F12: variants seen among roughly 807,000 people sequenced by gnomAD.
The protein encoded by F12 is coagulation factor XII.
A neutral mutation model predicts 74.8 loss-of-function variants in F12; 70 were observed. That is an observed-to-expected ratio of 0.94 (90% CI 0.77 to 1.14). F12 has a LOEUF of 1.14. Among genes scored for constraint, F12 ranks in the 50% most tolerant of loss-of-function variants. The probability of loss-of-function intolerance (pLI) is 0.00; values close to 1 mark genes in which losing one functional copy is unlikely to be tolerated. For synonymous variants in F12, 373 were observed against 356.4 expected (o/e 1.05, Z -0.52); for missense variants, 811 against 835.7 (o/e 0.97, Z 0.36).
At chr5:177,403,678 G>C in intron 10 of F12, 61 bp from the exon 11 acceptor site, 1 of 1,575,522 alleles carries the variant, frequency 6.3e-7, no homozygotes, top group Admixed American at 1.7e-5. Context: ...TTCTGGGGAA[G>C]CCCCCTGCTC....
chr5:177,403,375 A>G lies in F12; in HGVS notation c.1410T>C (p.Asp470=). Residue 470 remains aspartate (D), a synonymous_variant, in exon 12 of 14, where the codon GAT becomes GAC. Transcript: ENST00000253496. ...HDLALLRLQE[D]ADGSCALLSP... is the part of the protein sequence containing the mutation. ...ACAGGAGCGCGCAGCTGCCGTCCGC[A>G]TCCTCCTGAAGGCGCAACAGAGCTA... 1 of 1,598,452 alleles carries G rather than the reference A, an allele frequency of 6.3e-7. No individual in the cohort carries two copies. The highest frequency in any genetic ancestry group is 1.1e-5 in the South Asian group (1 of 90,892).
intron 4 of F12, 128 bp from the exon 5 acceptor site, chr5:177,405,561 T>C (rs192433949): frequency 8.1e-7 from 1 of 1,230,592 alleles, no homozygotes; most frequent in Non-Finnish European, 1.2e-6. Flanking sequence ...TTTACCCACC[T>C]GCAAAATGGG....
At chr5:177,405,033 C>A in intron 6 of F12, 21 bp downstream of exon 6, 1 of 1,609,854 alleles carries the variant, frequency 6.2e-7, no homozygotes, top group Non-Finnish European at 8.5e-7. Context: ...CTCCCTGGCC[C>A]GTTCCCAACC....
intron 2 of F12, 24 bp from the exon 3 acceptor site, chr5:177,406,085 AG>A (rs964261644): frequency 7.5e-6 from 12 of 1,601,720 alleles, no homozygotes; most frequent in Admixed American, 1.7e-5. Flanking sequence ...ACACTCTCTG[AG>A]GACTTCCCCT....
intron 2 of F12, among the ~76,000 whole-genome samples, chr5:177,406,368 A>G (rs1427579765): frequency 2.0e-5 from 3 of 152,158 alleles, no homozygotes; most frequent in Admixed American, 6.6e-5. Context: ...AGGTGCCTGT[A>G]GTCCCAGCTA....
In F12 at chr5:177,403,867, C is replaced by A. The variant is rs764699888; in HGVS notation, c.1242G>T (p.Leu414=). The A allele has an allele frequency of 1.9e-5, 29 of 1,547,910 alleles. 1 individual carries two copies. The East Asian group carries it at 6.9e-4, about 37-fold the overall frequency. The change falls in exon 10 of 14, where the codon CTG becomes CTT. Residue 414 remains leucine, a synonymous_variant. Coordinates refer to ENST00000253496, the MANE Select transcript of F12 (RefSeq NM_000505.4). ...PCWVLTAAHC[L]QDRPAPEDLT... ...GGCGGGCGGGTACTCGCCGGTCCTG[C>A]AGGCAGTGAGCGGCCGTCAGCACCC...
chr5:177,403,006 C>T (rs1216727149), intron 12 of F12: 6 of 698,268 alleles, frequency 8.6e-6, no homozygotes, highest in Non-Finnish European at 1.4e-5. Flanking sequence ...CTTTGCAGCC[C>T]GGCGCCCAGA....
intron 13 of F12, 33 bp from the exon 14 acceptor site, chr5:177,402,492 A>G: frequency 6.3e-7 from 1 of 1,599,406 alleles, no homozygotes; most frequent in South Asian, 1.1e-5. Context: ...AGCGCTGTGG[A>G]CCTGAGATTT....
Position 177,402,620 on chromosome 5 carries a change from AC to A in F12, c.1609del (p.Val537CysfsTer127). The A allele has an allele frequency of 6.2e-7, 1 of 1,613,138 alleles. No homozygotes were observed. The highest frequency in any genetic ancestry group is 1.1e-5 in the South Asian group (1 of 91,072). ...GCCGGGGAGGATGGAGGATCCGTGC[AC>A]GTCCGGGGCTGAGCAGCGCTCCAGG... ...LSLERCSAPD[V>X]HGSSILPGML... On this transcript the variant is annotated frameshift_variant, in exon 13 of 14. Transcript: ENST00000253496. LOFTEE classifies it high-confidence loss of function.
At position 177,404,812 on chromosome 5, in the gene F12, A is replaced by C. The variant is rs769852884; in HGVS notation, c.632T>G (p.Val211Gly). The change falls in exon 7 of 14, where the codon GTG becomes GGG. Residue 211 changes from valine (V) to glycine (G), a missense_variant and splice_region_variant. Coordinates refer to ENST00000253496, the MANE Select transcript of F12 (RefSeq NM_000505.4). ...GCTTGCCCCAGACCCTCACTCACCCACGTCGCAGAAGGCTCCGGTGTAGCC... is the reference window on the plus strand; with the variant it reads ...GCTTGCCCCAGACCCTCACTCACCCCCGTCGCAGAAGGCTCCGGTGTAGCC... ...PVGYTGAFCD[V>G]DTKASCYDGR... 14 of 1,604,728 alleles carry C rather than the reference A, an allele frequency of 8.7e-6. No individual in the cohort carries two copies. Among genetic ancestry groups the C allele is most frequent in the Non-Finnish European group, 1.1e-5 (13 of 1,176,640 alleles).
At position 177,404,534 on chromosome 5, in the gene F12, C is replaced by T. The variant is rs965265316; in HGVS notation, c.765G>A (p.Ala255=). ...CGTGGCCGCCCAGTCCCCAGTTCCG[C>T]GCTTGCTCGGCAGTCACGTTCCGGT... is the stretch of plus-strand genomic sequence containing the variant. ...ATYRNVTAEQ[A]RNWGLGGHAF... Residue 255 remains alanine (A), a synonymous_variant, in exon 8 of 14, where the codon GCG becomes GCA. Transcript: ENST00000253496. The T allele has an allele frequency of 1.9e-6, 3 of 1,600,300 alleles. No homozygotes were observed. The African/African-American group carries it at 4.0e-5, about 21-fold the overall frequency.
intron 2 of F12, among the ~76,000 whole-genome samples, chr5:177,406,362 G>A (rs1007354057): frequency 2.0e-5 from 3 of 152,158 alleles, no homozygotes; most frequent in South Asian, 2.1e-4. Context: ...GGTGGCAGGT[G>A]CCTGTAGTCC....
At chr5:177,409,344 C>T in intron 1 of F12, 127 bp downstream of exon 1, 1 of 1,215,832 alleles carries the variant, frequency 8.2e-7, no homozygotes, top group Non-Finnish European at 1.2e-6. Context: ...CCGGGCTGGC[C>T]TCACCTTTCC....
chr5:177,402,189 G>C lies in F12; in HGVS notation c.*103C>G. The C allele has an allele frequency of 4.1e-6, 6 of 1,458,518 alleles. No homozygotes were observed. Among genetic ancestry groups the C allele is most frequent in the Non-Finnish European group, 5.6e-6 (6 of 1,062,168 alleles). 90.3% of individuals were successfully genotyped at this position (1,458,518 alleles called of 1,614,324 possible). A position where few individuals can be genotyped will look rare whatever the true frequency, so the allele number is the denominator to read the frequency against. On this transcript the variant is annotated 3_prime_UTR_variant, in exon 14 of 14. Coordinates refer to ENST00000253496, the MANE Select transcript of F12 (RefSeq NM_000505.4). Reference sequence around the variant, plus strand: ...TGAGTTCCTGCGCCATCCTGGCGCGGAGCTGGCCGCACTGGGGGAATGGGA... The same window carrying C: ...TGAGTTCCTGCGCCATCCTGGCGCGCAGCTGGCCGCACTGGGGGAATGGGA...
In F12 at chr5:177,403,578, T is replaced by C. The variant is rs768358628; in HGVS notation, c.1290A>G (p.Glu430=). 1 of 1,605,442 alleles carries C rather than the reference T, an allele frequency of 6.2e-7. No homozygotes were observed. The highest frequency in any genetic ancestry group is 1.1e-5 in the South Asian group (1 of 90,470). The change falls in exon 11 of 14, where the codon GAA becomes GAG. Residue 430 remains glutamate (E), a synonymous_variant. Coordinates refer to ENST00000253496, the MANE Select transcript of F12 (RefSeq NM_000505.4). ...PEDLTVVLGQ[E]RRNHSCEPCQ... is the part of the protein sequence containing the mutation. ...ACGGCTCACAGCTGTGGTTACGGCG[T>C]TCCTGGCCGAGCACCACCGTCAGAT...
Position 177,404,955 on chromosome 5 carries a change from A to T in F12, c.530-41T>A, listed in dbSNP as rs1220332173. On this transcript the variant is annotated intron_variant, in intron 6 of 13. Coordinates refer to ENST00000253496, the MANE Select transcript of F12 (RefSeq NM_000505.4). ...CAGTGAGCCACCCCTGGGCCTAAAG[A>T]CCCCCCCAGAGAGCTCTCCTTCCTG... The T allele has an allele frequency of 5.1e-6, 8 of 1,580,056 alleles. No individual in the cohort carries two copies. The East Asian group carries it at 1.6e-4, about 32-fold the overall frequency.
rs1413216802 is a variant in F12 at position 177,402,743 on chromosome 5, T to C, written c.1532-45A>G. ...TCTTCACACCCCATCTGACAACGCT[T>C]GCCGCCCGGACGATGGACAAAGCTG... On this transcript the variant is annotated intron_variant, in intron 12 of 13. Transcript: ENST00000253496. The C allele has an allele frequency of 1.9e-6, 3 of 1,604,858 alleles. No individual in the cohort carries two copies. The Admixed American group carries it at 5.1e-5, about 27-fold the overall frequency.
Position 177,409,507 on chromosome 5 carries a change from C to T in F12, c.21G>A (p.Leu7=), listed in dbSNP as rs1365587087. ...ACTCCAAGCTCACCAGCAGGAACCCCAGGAGCAGCAGAGCCCTCATGGCAT... is the reference window on the plus strand; with the variant it reads ...ACTCCAAGCTCACCAGCAGGAACCCTAGGAGCAGCAGAGCCCTCATGGCAT... The part of the protein sequence containing the change: MRALLL[L]GFLLVSLEST... The change falls in exon 1 of 14, where the codon CTG becomes CTA. Residue 7 remains leucine, a synonymous_variant. Transcript: ENST00000253496. 6.2e-7 allele frequency: 1 copy of T among 1,613,994 alleles called. No homozygotes were observed. The highest frequency in any genetic ancestry group is 1.7e-5 in the Admixed American group (1 of 59,982).
chr5:177,403,919 C>A lies in F12; in HGVS notation c.1190G>T (p.Cys397Phe). 6.3e-7 allele frequency: 1 copy of A among 1,592,436 alleles called. No homozygotes were observed. The highest frequency in any genetic ancestry group is 8.5e-7 in the Non-Finnish European group (1 of 1,172,952). The change falls in exon 10 of 14, where the codon TGC (cysteine) becomes TTC (phenylalanine). Residue 397 changes from cysteine (C) to phenylalanine (F), a missense_variant. Transcript: ENST00000253496. ...GCAGGGGGCGATGAGGCTGCCGGCG[C>A]AGAAACTGTGGCCCCAGTACAGCGC... ...IAALYWGHSFCAGSLIAPCWV... is the reference protein window; with the variant it reads ...IAALYWGHSFFAGSLIAPCWV...
Sources: allele counts gnomAD v4.1 joint callset (sites outside exome capture counted in the v4.1 genomes callset), GRCh38; gene constraint gnomAD v4.1.1; transcripts MANE v1.5; gene names NCBI Gene and HGNC (gene_info 2026-07-23, HGNC 2026-07-21).